Variants in PDE6D observed in about 807,000 individuals in gnomAD.
The protein encoded by PDE6D is retinal rod rhodopsin-sensitive cGMP 3',5'-cyclic phosphodiesterase subunit delta.
A neutral mutation model predicts 21.9 loss-of-function variants in PDE6D; 10 were observed. That is an observed-to-expected ratio of 0.46 (90% CI 0.28 to 0.78). The LOEUF (loss-of-function observed/expected upper bound fraction) is 0.78, where lower values mean the gene tolerates loss of function less well. PDE6D is among the 30% of genes least tolerant of loss of function. PDE6D has a pLI of 0.12. For missense variants in PDE6D, 139 were observed against 184.8 expected, an observed-to-expected ratio of 0.75 and a Z score of 1.44; for synonymous variants, 59 against 63.5, an observed-to-expected ratio of 0.93 and a Z score of 0.34.
At position 231,748,286 on chromosome 2, in the gene PDE6D, GA is replaced by G. The variant is rs1408853315; in HGVS notation, c.51-9099del. Reference sequence around the variant, plus strand: ...ACAATAAAATTCAGATGGAGATGAGGAACTTGTTCGGCACTGGAGCAAAGGT... The same window carrying G: ...ACAATAAAATTCAGATGGAGATGAGGACTTGTTCGGCACTGGAGCAAAGGT... On this transcript the variant is annotated intron_variant, in intron 1 of 4. Coordinates refer to ENST00000287600, the MANE Select transcript of PDE6D (RefSeq NM_002601.4). Among the ~76,000 whole-genome samples, 4 of 152,276 alleles carry G rather than the reference GA, an allele frequency of 2.6e-5. No homozygotes were observed. The East Asian group carries it at 5.8e-4, about 22-fold the overall frequency.
intron 1 of PDE6D, among the ~76,000 whole-genome samples, chr2:231,758,212 G>C (rs539755668): frequency 2.0e-5 from 3 of 151,970 alleles, no homozygotes; most frequent in African/African-American, 7.3e-5. Context: ...GGTGCACATG[G>C]CTTACTGCAG....
intron 1 of PDE6D, among the ~76,000 whole-genome samples, chr2:231,749,083 T>C (rs1315916199): frequency 7.9e-5 from 12 of 152,010 alleles, no homozygotes; most frequent in Admixed American, 7.9e-4. Context: ...AGAGGTCCAC[T>C]CTCCTCCAGA....
intron 1 of PDE6D, among the ~76,000 whole-genome samples, chr2:231,780,131 C>A (rs528828976): frequency 1.3e-5 from 2 of 152,164 alleles, no homozygotes; most frequent in Admixed American, 1.3e-4. Context: ...ACACACTCCA[C>A]GAAAACACAA....
intron 1 of PDE6D, among the ~76,000 whole-genome samples, chr2:231,750,441 G>C (rs1221120148): frequency 6.8e-6 from 1 of 147,358 alleles, no homozygotes; most frequent in Non-Finnish European, 1.5e-5. Context: ...TATGGTCTTA[G>C]TTATATATGT....
At chr2:231,753,197 G>T (rs1303076378) in intron 1 of PDE6D, among the ~76,000 whole-genome samples, 1 of 150,440 alleles carries the variant, frequency 6.6e-6, no homozygotes, top group South Asian at 2.1e-4. Flanking sequence ...CTGGTCCATT[G>T]TTTCTCAAAG....
At chr2:231,755,677 T>G (rs1019012109) in intron 1 of PDE6D, among the ~76,000 whole-genome samples, 2 of 152,190 alleles carry the variant, frequency 1.3e-5, no homozygotes, top group African/African-American at 2.4e-5. Flanking sequence ...TCCCAGCACT[T>G]TGGGAGGCTG....
At chr2:231,771,080 A>AT (rs778060007) in intron 1 of PDE6D, among the ~76,000 whole-genome samples, 1,486 of 142,516 alleles carry the variant, frequency 0.01, 20 homozygotes, top group African/African-American at 0.032. Context: ...GAGCTGAGAA[A>AT]TTTTTTTTTT....
chr2:231,749,502 CTTTTT>C (rs150014433), intron 1 of PDE6D, among the ~76,000 whole-genome samples: 1 of 122,968 alleles, frequency 8.1e-6, no homozygotes, highest in Non-Finnish European at 1.7e-5. Context: ...TCAGATGAGA[CTTTTT>C]TTTTTTTTTT....
chr2:231,763,137 T>C (rs746860384), intron 1 of PDE6D, among the ~76,000 whole-genome samples: 48 of 152,222 alleles, frequency 3.2e-4, no homozygotes, highest in South Asian at 6.2e-4. Flanking sequence ...GAGCAAGTTC[T>C]ACATATTCAG....
intron 1 of PDE6D, among the ~76,000 whole-genome samples, chr2:231,753,459 G>A (rs532328842): frequency 3.3e-5 from 5 of 152,224 alleles, no homozygotes; most frequent in Non-Finnish European, 5.9e-5. Context: ...GGTGAGGCGG[G>A]AGAATGGCGT....
intron 1 of PDE6D, among the ~76,000 whole-genome samples, chr2:231,750,881 A>G (rs1031168344): frequency 3.3e-5 from 5 of 152,062 alleles, no homozygotes; most frequent in Non-Finnish European, 5.9e-5. Flanking sequence ...TACCTTGTAT[A>G]TGGACATTAT....
chr2:231,776,066 A>C (rs1183095827), intron 1 of PDE6D, among the ~76,000 whole-genome samples: 1 of 152,192 alleles, frequency 6.6e-6, no homozygotes, highest in Non-Finnish European at 1.5e-5. Flanking sequence ...TGCTAGGTGC[A>C]GTGGCTCACG....
At chr2:231,766,800 A>C (rs2106282692) in intron 1 of PDE6D, among the ~76,000 whole-genome samples, 1 of 152,172 alleles carries the variant, frequency 6.6e-6, no homozygotes, top group East Asian at 1.9e-4. Flanking sequence ...GTTTGAGACC[A>C]GTCTGGCCAA....
rs534134365 is a variant in PDE6D, at chr2:231,780,439, G to A, written c.50+626C>T. Among the ~76,000 whole-genome samples, 5 of 152,262 alleles carry A rather than the reference G, an allele frequency of 3.3e-5. No individual in the cohort carries two copies. The East Asian group carries it at 9.7e-4, about 29-fold the overall frequency. ...AGGCCAAGAGTGTTAAGACGAGGTC[G>A]ATCTTGGACTTCTCTTTCCCCACCT... On this transcript the variant is annotated intron_variant, in intron 1 of 4. Coordinates refer to ENST00000287600, the MANE Select transcript of PDE6D (RefSeq NM_002601.4).
At chr2:231,754,524 T>A (rs929798800) in intron 1 of PDE6D, among the ~76,000 whole-genome samples, 24 of 114,500 alleles carry the variant, frequency 2.1e-4, no homozygotes, top group African/African-American at 5.8e-4. Context: ...GCCTGGCTAA[T>A]TTTTTTTTTT....
intron 1 of PDE6D, among the ~76,000 whole-genome samples, chr2:231,764,624 A>G (rs530192798): frequency 8.5e-5 from 13 of 152,294 alleles, no homozygotes; most frequent in African/African-American, 3.1e-4. Flanking sequence ...CAGGTGAAGA[A>G]GTCAAGATGG....
chr2:231,769,934 A>G (rs2049001950), intron 1 of PDE6D, among the ~76,000 whole-genome samples: 1 of 152,162 alleles, frequency 6.6e-6, no homozygotes, highest in Admixed American at 6.6e-5. Flanking sequence ...TTCACCTGAT[A>G]TTTTTCATAG....
rs1416991325 is a variant in PDE6D at position 231,740,878 on chromosome 2, C to T, written c.51-1690G>A. The stretch of plus-strand genomic sequence containing the variant: ...TGTCTAGGCCAGGAGCGATGGCTCA[C>T]CTGTAATCCCAGCACTTTGGGAGGC... On this transcript the variant is annotated intron_variant, in intron 1 of 4. Coordinates refer to ENST00000287600, the MANE Select transcript of PDE6D (RefSeq NM_002601.4). Among the ~76,000 whole-genome samples, 5 of 151,624 alleles carry T rather than the reference C, an allele frequency of 3.3e-5. No individual in the cohort carries two copies. The South Asian group carries it at 1.0e-3, about 32-fold the overall frequency.
chr2:231,739,076 T>G lies in PDE6D; in HGVS notation c.139+24A>C, dbSNP rs1367529888. On this transcript the variant is annotated intron_variant, in intron 2 of 4. Transcript: ENST00000287600. The surrounding 1 kb of genome is among the most constrained non-coding windows in gnomAD (Gnocchi z 4.2). The stretch of plus-strand genomic sequence containing the variant: ...TAGTCTGGCATTGGTCACAGCCCTG[T>G]GTAGATAAAGGGTTGGAAAGTACCT... The G allele has an allele frequency of 2.0e-6, 3 of 1,497,116 alleles. No homozygotes were observed. The allele number at this position is 1,497,116 out of a possible 1,614,324, so 92.7% of individuals were successfully genotyped here.
Sources: allele counts gnomAD v4.1 joint callset (sites outside exome capture counted in the v4.1 genomes callset), GRCh38; gene constraint gnomAD v4.1.1; non-coding constraint Gnocchi (gnomAD v3.1); transcripts MANE v1.5; gene names NCBI Gene and HGNC (gene_info 2026-07-23, HGNC 2026-07-21).